Variants in RIMS1 observed in about 807,000 individuals in gnomAD.
The protein encoded by RIMS1 is regulating synaptic membrane exocytosis 1.
In RIMS1, 83 loss-of-function variants were observed where a neutral mutation model predicts 214.1. The observed-to-expected ratio is 0.39, with a 90% CI of 0.32 to 0.47. The LOEUF is 0.47. Among genes scored for constraint, RIMS1 ranks in the 20% least tolerant of loss-of-function variants. The pLI, the probability that RIMS1 is intolerant of heterozygous loss-of-function variation, is 0.99. For missense variants in RIMS1, 2,050 were observed against 2,161.8 expected, an observed-to-expected ratio of 0.95 and a Z score of 1.03; for synonymous variants, 793 against 786.8, an observed-to-expected ratio of 1.01 and a Z score of -0.13.
intron 25 of RIMS1, 49 bp from the exon 26 acceptor site, chr6:72,291,885 C>CCACATT: frequency 7.2e-7 from 1 of 1,380,280 alleles, no homozygotes; most frequent in Non-Finnish European, 1.0e-6. Context: ...TTTTGTCAGA[C>CCACATT]CACATTGGAA....
rs1186669198 is a variant in RIMS1, at chr6:72,402,704, ATCTT to A, written c.*1994_*1997del. 6.6e-6 allele frequency: 1 copy of A among 152,636 alleles called. No individual in the cohort carries two copies. The highest frequency in any genetic ancestry group is 1.5e-5 in the Non-Finnish European group (1 of 68,034). 9.5% of individuals were successfully genotyped at this position (152,636 alleles called of 1,614,324 possible). ...AATCAACTGATTATAATTGGGTAGTATCTTTCTATTTTGACCACTTGTCTTAACA... is the reference window on the plus strand; with the variant it reads ...AATCAACTGATTATAATTGGGTAGTATCTATTTTGACCACTTGTCTTAACA... On this transcript the variant is annotated 3_prime_UTR_variant, in exon 34 of 34. Coordinates refer to ENST00000521978, the MANE Select transcript of RIMS1 (RefSeq NM_014989.7).
At chr6:72,289,823 A>C (rs1156936933) in intron 24 of RIMS1, among the ~76,000 whole-genome samples, 1 of 152,164 alleles carries the variant, frequency 6.6e-6, no homozygotes, top group East Asian at 1.9e-4. Flanking sequence ...TTCTGTCAAA[A>C]TAATACCTGC....
At chr6:72,127,657 A>G (rs951941881) in intron 4 of RIMS1, among the ~76,000 whole-genome samples, 3 of 152,158 alleles carry the variant, frequency 2.0e-5, no homozygotes, top group African/African-American at 7.2e-5. Flanking sequence ...AAGCATGGCT[A>G]TGTTTGATGA....
At chr6:72,337,606 A>G (rs970334668) in intron 29 of RIMS1, among the ~76,000 whole-genome samples, 3 of 151,654 alleles carry the variant, frequency 2.0e-5, no homozygotes, top group Non-Finnish European at 2.9e-5. Flanking sequence ...TTTTTAAATT[A>G]TACTTTAAGT....
chr6:72,090,205 CT>C (rs1388972472), intron 2 of RIMS1, among the ~76,000 whole-genome samples: 2 of 152,068 alleles, frequency 1.3e-5, no homozygotes, highest in African/African-American at 2.4e-5. Context: ...TTGGGTCTAG[CT>C]TTGTTGCCCA....
At chr6:72,166,692 G>A (rs966496628) in intron 4 of RIMS1, among the ~76,000 whole-genome samples, 3 of 144,220 alleles carry the variant, frequency 2.1e-5, no homozygotes, top group African/African-American at 7.8e-5. Context: ...CTTAGGCAGC[G>A]TAATGAGATC....
At chr6:72,347,050 C>G (rs2097289694) in intron 29 of RIMS1, among the ~76,000 whole-genome samples, 1 of 151,778 alleles carries the variant, frequency 6.6e-6, no homozygotes, top group African/African-American at 2.4e-5. Flanking sequence ...ACTTCCATGA[C>G]TTTATTTTTT....
At chr6:71,957,837 A>G (rs1183382188) in intron 1 of RIMS1, among the ~76,000 whole-genome samples, 1 of 143,206 alleles carries the variant, frequency 7.0e-6, no homozygotes, top group Non-Finnish European at 1.5e-5. Flanking sequence ...GTATTAATTC[A>G]AGATTCCTAT....
At chr6:72,189,091 A>G (rs1242949993) in intron 6 of RIMS1, among the ~76,000 whole-genome samples, 1 of 152,220 alleles carries the variant, frequency 6.6e-6, no homozygotes, top group Non-Finnish European at 1.5e-5. Flanking sequence ...GTGGGTCTCT[A>G]GGGATGATGG....
At chr6:72,250,865 C>CAGT in intron 13 of RIMS1, 56 bp from the exon 14 acceptor site, 1 of 941,746 alleles carries the variant, frequency 1.1e-6, no homozygotes, top group Non-Finnish European at 1.6e-6. Context: ...CATGTAACTA[C>CAGT]AGTAGATGGC....
chr6:71,992,084 A>C (rs1229735291), intron 2 of RIMS1, among the ~76,000 whole-genome samples: 1 of 152,190 alleles, frequency 6.6e-6, no homozygotes, highest in Non-Finnish European at 1.5e-5. Context: ...AAAGAAAAAA[A>C]AAAGAAATTG....
At chr6:72,121,908 A>G (rs1006964141) in intron 4 of RIMS1, among the ~76,000 whole-genome samples, 3 of 151,882 alleles carry the variant, frequency 2.0e-5, no homozygotes, top group African/African-American at 7.2e-5. Flanking sequence ...CTATTGAGAT[A>G]ATCATGTGGT....
chr6:72,354,707 A>G (rs1564443166), intron 29 of RIMS1, among the ~76,000 whole-genome samples: 1 of 152,124 alleles, frequency 6.6e-6, no homozygotes, highest in Non-Finnish European at 1.5e-5. Context: ...TGATGGGTAT[A>G]TTCAGTTTTA....
intron 29 of RIMS1, among the ~76,000 whole-genome samples, chr6:72,356,227 A>T (rs2097637710): frequency 6.6e-6 from 1 of 152,064 alleles, no homozygotes; most frequent in African/African-American, 2.4e-5. Flanking sequence ...CTTTAACTCC[A>T]AATCACTAAG....
At chr6:72,169,836 A>G (rs939124329) in intron 4 of RIMS1, among the ~76,000 whole-genome samples, 2 of 152,160 alleles carry the variant, frequency 1.3e-5, no homozygotes, top group African/African-American at 4.8e-5. Context: ...ACCTAAGCCA[A>G]GGAGGTTGAG....
intron 29 of RIMS1, among the ~76,000 whole-genome samples, chr6:72,335,147 G>A (rs1037284274): frequency 3.3e-5 from 5 of 151,932 alleles, no homozygotes; most frequent in Non-Finnish European, 7.4e-5. Context: ...GTGCCGTGAT[G>A]GTTTGCTGCA....
At chr6:72,068,699 G>A (rs1041765091) in intron 2 of RIMS1, among the ~76,000 whole-genome samples, 23 of 151,990 alleles carry the variant, frequency 1.5e-4, no homozygotes, top group African/African-American at 3.6e-4. Context: ...TGAGGCGGGC[G>A]GATCACGAGG....
chr6:72,340,177 G>A (rs1451679192), intron 29 of RIMS1, among the ~76,000 whole-genome samples: 11 of 151,972 alleles, frequency 7.2e-5, no homozygotes, highest in Non-Finnish European at 1.2e-4. Context: ...TGTAGATTCT[G>A]GATATTAGCC....
chr6:72,182,714 G>GCGGCAGCCAGGGCCTCGCCGC lies in RIMS1; in HGVS notation c.1247_1267dup (p.Ala416_Pro422dup). 1 of 1,515,726 alleles carries GCGGCAGCCAGGGCCTCGCCGC rather than the reference G, an allele frequency of 6.6e-7. No homozygotes were observed. Among genetic ancestry groups the GCGGCAGCCAGGGCCTCGCCGC allele is most frequent in the Non-Finnish European group, 8.8e-7 (1 of 1,136,928 alleles). The allele number at this position is 1,515,726 out of a possible 1,614,324, so 93.9% of individuals were successfully genotyped here. A position where few individuals can be genotyped will look rare whatever the true frequency, so the allele number is the denominator to read the frequency against. On this transcript the variant is annotated inframe_insertion, in exon 6 of 34. Coordinates refer to ENST00000521978, the MANE Select transcript of RIMS1 (RefSeq NM_014989.7). The stretch of plus-strand genomic sequence containing the variant: ...GGGCAAGGCCGGCAAACGCGCGCCG[G>GCGGCAGCCAGGGCCTCGCCGC]CGGCAGCCAGGGCCTCGCCGCCGGA...
Sources: allele counts gnomAD v4.1 joint callset (sites outside exome capture counted in the v4.1 genomes callset), GRCh38; gene constraint gnomAD v4.1.1; transcripts MANE v1.5; gene names NCBI Gene and HGNC (gene_info 2026-07-23, HGNC 2026-07-21).